CNTN5: variants seen among roughly 807,000 people sequenced by gnomAD.
CNTN5 encodes contactin 5, also known as contactin-5.
In CNTN5, 77 loss-of-function variants were observed where a neutral mutation model predicts 129.1. The ratio of observed to expected loss-of-function variants is 0.60; its 90% CI spans 0.50 to 0.72. The LOEUF (loss-of-function observed/expected upper bound fraction) is 0.72. Among genes scored for constraint, CNTN5 ranks in the 30% least tolerant of loss-of-function variants. CNTN5 has a pLI of 0.00. For missense variants in CNTN5, 1,478 were observed against 1,328.8 expected (o/e 1.11, Z -1.75); for synonymous variants, 509 against 465.6 (o/e 1.09, Z -1.20).
intron 2 of CNTN5, among the ~76,000 whole-genome samples, chr11:99,504,330 C>A (rs1946534930): frequency 6.6e-6 from 1 of 151,980 alleles, no homozygotes; most frequent in African/African-American, 2.4e-5. Flanking sequence ...ATCATGAGGG[C>A]AGGAGATCGA....
intron 1 of CNTN5, among the ~76,000 whole-genome samples, chr11:99,203,974 T>G (rs1488384788): frequency 6.6e-6 from 1 of 152,202 alleles, no homozygotes; most frequent in African/African-American, 2.4e-5. Flanking sequence ...ACTTATAAAA[T>G]TTCTCATTTG....
At chr11:99,187,483 C>T (rs1858412936) in intron 1 of CNTN5, among the ~76,000 whole-genome samples, 1 of 151,634 alleles carries the variant, frequency 6.6e-6, no homozygotes, top group Admixed American at 6.6e-5. Flanking sequence ...TTCCATGTAT[C>T]TTAACATGAA....
Position 100,219,387 on chromosome 11 carries a change from A to G in CNTN5, c.1885-5305A>G, listed in dbSNP as rs184956532. Among the ~76,000 whole-genome samples, 233 of 152,348 alleles carry G rather than the reference A, an allele frequency of 1.5e-3. 2 individuals carry two copies. The highest frequency in any genetic ancestry group is 5.5e-3 in the African/African-American group (229 of 41,582). Reference sequence around the variant, plus strand: ...TTTTGCCATCAGATTGAATGGAGCTACAAGTCAGCCCAGGAAAACATGAGA... The same window carrying G: ...TTTTGCCATCAGATTGAATGGAGCTGCAAGTCAGCCCAGGAAAACATGAGA... On this transcript the variant is annotated intron_variant, in intron 15 of 24. Transcript: ENST00000524871.
chr11:99,538,960 TCTC>T (rs1947998530), intron 2 of CNTN5, among the ~76,000 whole-genome samples: 1 of 152,134 alleles, frequency 6.6e-6, no homozygotes, highest in Non-Finnish European at 1.5e-5. Context: ...GTTTGGCAAC[TCTC>T]CTCCTCCATG....
At chr11:99,728,664 C>T (rs548396241) in intron 3 of CNTN5, among the ~76,000 whole-genome samples, 1 of 152,212 alleles carries the variant, frequency 6.6e-6, no homozygotes, top group East Asian at 1.9e-4. Context: ...ATGGTAACCC[C>T]AGGAAGGGTA....
chr11:99,734,965 A>G (rs976588722), intron 3 of CNTN5, among the ~76,000 whole-genome samples: 1 of 152,180 alleles, frequency 6.6e-6, no homozygotes, highest in African/African-American at 2.4e-5. Context: ...CCGAGATAGC[A>G]CCACTGCAGT....
intron 3 of CNTN5, among the ~76,000 whole-genome samples, chr11:99,730,308 T>A (rs949200936): frequency 2.6e-5 from 4 of 152,196 alleles, no homozygotes; most frequent in Non-Finnish European, 5.9e-5. Flanking sequence ...CAGAAGCATC[T>A]AAGTAGTAAC....
At chr11:99,441,624 A>T (rs751614911) in intron 2 of CNTN5, among the ~76,000 whole-genome samples, 1 of 152,184 alleles carries the variant, frequency 6.6e-6, no homozygotes, top group Non-Finnish European at 1.5e-5. Flanking sequence ...ATTTGGTTGC[A>T]CCAAAGTAAC....
At chr11:99,871,408 A>G (rs1409794643) in intron 6 of CNTN5, among the ~76,000 whole-genome samples, 3 of 152,078 alleles carry the variant, frequency 2.0e-5, no homozygotes, top group Non-Finnish European at 4.4e-5. Context: ...TTTAAATTGC[A>G]AATAATTGCT....
intron 16 of CNTN5, among the ~76,000 whole-genome samples, chr11:100,255,377 T>C (rs961167209): frequency 3.3e-5 from 5 of 152,192 alleles, no homozygotes; most frequent in Non-Finnish European, 7.3e-5. Context: ...ATGAGATTTT[T>C]TTTTTGTCTC....
intron 2 of CNTN5, among the ~76,000 whole-genome samples, chr11:99,527,916 GAACAGTCA>G: frequency 6.6e-6 from 1 of 152,240 alleles, no homozygotes; most frequent in Admixed American, 6.5e-5. Context: ...GCCCCGCAGA[GAACAGTCA>G]AACAATCCAG....
intron 2 of CNTN5, among the ~76,000 whole-genome samples, chr11:99,365,844 T>C (rs1852073087): frequency 6.6e-6 from 1 of 152,136 alleles, no homozygotes; most frequent in African/African-American, 2.4e-5. Context: ...GAAATAAAAA[T>C]GGCAGATCAA....
At chr11:99,751,142 G>A (rs947981436) in intron 3 of CNTN5, among the ~76,000 whole-genome samples, 1 of 152,134 alleles carries the variant, frequency 6.6e-6, no homozygotes, top group South Asian at 2.1e-4. Context: ...TTCGAGAACA[G>A]CCTGACCAAC....
chr11:100,220,136 G>A (rs560807897), intron 15 of CNTN5, among the ~76,000 whole-genome samples: 13 of 152,144 alleles, frequency 8.5e-5, no homozygotes, highest in Admixed American at 3.9e-4. Context: ...AATTAGCCGG[G>A]CGTGGTGGCA....
At chr11:100,234,482 A>G (rs1457458794) in intron 16 of CNTN5, among the ~76,000 whole-genome samples, 1 of 152,196 alleles carries the variant, frequency 6.6e-6, no homozygotes, top group Non-Finnish European at 1.5e-5. Flanking sequence ...AGATGAGTTC[A>G]TGTCTTTGCA....
At position 99,700,774 on chromosome 11, in the gene CNTN5, A is replaced by G. The variant is rs1225189458; in HGVS notation, c.56-118770A>G. 2.0e-5 allele frequency among the ~76,000 whole-genome samples: 3 copies of G among 151,402 alleles called. No homozygotes were observed. The East Asian group carries it at 5.8e-4, about 29-fold the overall frequency. Reference sequence around the variant, plus strand: ...TATCTACACAAGGAATAGCAATTTCATGCTATTGTTCATACAATGCATGGA... The same window carrying G: ...TATCTACACAAGGAATAGCAATTTCGTGCTATTGTTCATACAATGCATGGA... On this transcript the variant is annotated intron_variant, in intron 3 of 24. Coordinates refer to ENST00000524871, the MANE Select transcript of CNTN5 (RefSeq NM_014361.4).
At chr11:99,897,985 T>G (rs2135937827) in intron 6 of CNTN5, among the ~76,000 whole-genome samples, 1 of 152,078 alleles carries the variant, frequency 6.6e-6, no homozygotes, top group Middle Eastern at 3.4e-3. Context: ...AAAAAGCAGG[T>G]TGAACAACAG....
chr11:99,614,416 G>T (rs976256850), intron 3 of CNTN5, among the ~76,000 whole-genome samples: 4 of 152,104 alleles, frequency 2.6e-5, no homozygotes, highest in African/African-American at 9.7e-5. Context: ...CGAGTGGAGG[G>T]ATGGTGGGAG....
intron 7 of CNTN5, among the ~76,000 whole-genome samples, chr11:99,925,555 T>G (rs1323014116): frequency 2.0e-5 from 3 of 152,084 alleles, no homozygotes; most frequent in Admixed American, 1.3e-4. Flanking sequence ...AGCTGCTAAA[T>G]CTAAGCAACC....
Sources: allele counts gnomAD v4.1 joint callset (sites outside exome capture counted in the v4.1 genomes callset), GRCh38; gene constraint gnomAD v4.1.1; transcripts MANE v1.5; gene names NCBI Gene and HGNC (gene_info 2026-07-23, HGNC 2026-07-21).